The following BTBD10 variants were observed in gnomAD, a reference collection of about 807,000 sequenced individuals.
The protein encoded by BTBD10 is BTB domain containing 10.
BTBD10 carries 21 observed loss-of-function variants against 53.2 expected under a neutral mutation model. The observed-to-expected ratio is 0.39, with a 90% CI of 0.28 to 0.57. BTBD10 has a LOEUF of 0.57. Among genes scored for constraint, BTBD10 ranks in the 20% least tolerant of loss-of-function variants. The pLI is 0.53. For missense variants in BTBD10, 360 were observed against 594.7 expected (o/e 0.61, Z 4.10); for synonymous variants, 149 against 192.7 (o/e 0.77, Z 1.88).
chr11:13,422,845 C>T (rs956168260), intron 2 of BTBD10, among the ~76,000 whole-genome samples: 1 of 152,170 alleles, frequency 6.6e-6, no homozygotes, highest in Non-Finnish European at 1.5e-5. Flanking sequence ...TTAAGTTACA[C>T]ATACTACATG....
At chr11:13,462,434 G>A (rs946130414) in intron 1 of BTBD10, among the ~76,000 whole-genome samples, 2 of 152,160 alleles carry the variant, frequency 1.3e-5, no homozygotes, top group African/African-American at 4.8e-5. Flanking sequence ...TCAGAATACT[G>A]AGAAAGGAGA....
rs1369034316 is a variant in BTBD10, at chr11:13,421,816, C to A, written c.124G>T (p.Gly42Ter). The A allele has an allele frequency of 6.2e-7, 1 of 1,612,610 alleles. No homozygotes were observed. The highest frequency in any genetic ancestry group is 8.5e-7 in the Non-Finnish European group (1 of 1,179,240). ...HSSTSSRIAK[G>*]GVDHTKMSLH... is the part of the protein sequence containing the mutation. ...CTCATTTTGGTGTGGTCAACTCCTC[C>A]TTTAGCAATACGCGAGGAAGTACTG... Residue 42 changes from glycine (G) to a stop codon, truncating the protein, a stop_gained, in exon 3 of 9, where the codon GGA becomes TGA. Coordinates refer to ENST00000278174, the MANE Select transcript of BTBD10 (RefSeq NM_032320.7). LOFTEE classifies it high-confidence loss of function.
intron 1 of BTBD10, among the ~76,000 whole-genome samples, chr11:13,461,671 A>C (rs966555720): frequency 1.3e-5 from 2 of 152,216 alleles, no homozygotes; most frequent in Non-Finnish European, 2.9e-5. Context: ...ACATAATTAC[A>C]TAGGGTTAGA....
At chr11:13,432,004 A>G (rs1211624133) in intron 2 of BTBD10, among the ~76,000 whole-genome samples, 1 of 152,102 alleles carries the variant, frequency 6.6e-6, no homozygotes. Flanking sequence ...TAGTACAGCC[A>G]TACCATAGAA....
chr11:13,449,125 T>A (rs1468742425), intron 1 of BTBD10, among the ~76,000 whole-genome samples: 1 of 151,780 alleles, frequency 6.6e-6, no homozygotes, highest in Non-Finnish European at 1.5e-5. Flanking sequence ...GAGGTGGGGG[T>A]TGGGGGATAG....
chr11:13,421,867 T>G, intron 2 of BTBD10, 29 bp from the exon 3 acceptor site: 1 of 1,548,268 alleles, frequency 6.5e-7, no homozygotes. Context: ...AAATTAACCA[T>G]AAAAGCAGAA....
chr11:13,395,874 C>G (rs1208279105), intron 8 of BTBD10, among the ~76,000 whole-genome samples: 3 of 152,136 alleles, frequency 2.0e-5, no homozygotes, highest in Non-Finnish European at 4.4e-5. Context: ...TTTCTGAGGG[C>G]TCTGTTCTGT....
At chr11:13,433,202 A>T (rs990631055) in intron 2 of BTBD10, among the ~76,000 whole-genome samples, 1 of 152,118 alleles carries the variant, frequency 6.6e-6, no homozygotes, top group Non-Finnish European at 1.5e-5. Context: ...TTTCTCTCCA[A>T]GGCAGGCCTT....
intron 8 of BTBD10, among the ~76,000 whole-genome samples, chr11:13,399,632 A>G (rs533788160): frequency 8.5e-5 from 13 of 152,072 alleles, no homozygotes; most frequent in African/African-American, 3.1e-4. Context: ...TCTGATTTTT[A>G]GAGTTTCCGG....
At chr11:13,440,068 C>T in intron 2 of BTBD10, 1 of 1,528,312 alleles carries the variant, frequency 6.5e-7, no homozygotes, top group African/African-American at 1.4e-5. Flanking sequence ...TCTGAACAAT[C>T]AGAAAATTCC....
intron 2 of BTBD10, among the ~76,000 whole-genome samples, chr11:13,432,417 G>A (rs1381585978): frequency 5.9e-5 from 9 of 152,178 alleles, no homozygotes; most frequent in East Asian, 5.8e-4. Flanking sequence ...TTGTACTCAC[G>A]TCAGTTTCCT....
chr11:13,404,622 T>A (rs1346286919), intron 7 of BTBD10: 61 of 984,392 alleles, frequency 6.2e-5, no homozygotes, highest in Non-Finnish European at 7.2e-5. Context: ...ATTCCACATA[T>A]TATAGAAAAC....
At chr11:13,399,964 G>A (rs547631419) in intron 8 of BTBD10, among the ~76,000 whole-genome samples, 56 of 152,298 alleles carry the variant, frequency 3.7e-4, no homozygotes, top group African/African-American at 1.3e-3. Context: ...CCTACTGGGG[G>A]GTGCCTCCCA....
chr11:13,442,609 A>G (rs1950678308), intron 2 of BTBD10, among the ~76,000 whole-genome samples: 1 of 152,032 alleles, frequency 6.6e-6, no homozygotes, highest in Non-Finnish European at 1.5e-5. Flanking sequence ...CTCAAGTCTC[A>G]TTTTCACCTA....
At chr11:13,425,664 C>T (rs910207779) in intron 2 of BTBD10, among the ~76,000 whole-genome samples, 1 of 151,914 alleles carries the variant, frequency 6.6e-6, no homozygotes, top group African/African-American at 2.4e-5. Context: ...CTAAATGGCC[C>T]TTTAAAATGA....
chr11:13,453,811 T>C (rs1950912576), intron 1 of BTBD10, among the ~76,000 whole-genome samples: 1 of 152,158 alleles, frequency 6.6e-6, no homozygotes, highest in African/African-American at 2.4e-5. Context: ...CCCAGCACTT[T>C]GGGAGGCCGA....
At chr11:13,428,747 A>G (rs1950393609) in intron 2 of BTBD10, among the ~76,000 whole-genome samples, 1 of 152,178 alleles carries the variant, frequency 6.6e-6, no homozygotes, top group Non-Finnish European at 1.5e-5. Context: ...AAGAATGTCT[A>G]CTGTCACTTT....
At chr11:13,412,354 A>T (rs564332044) in intron 6 of BTBD10, among the ~76,000 whole-genome samples, 1 of 152,138 alleles carries the variant, frequency 6.6e-6, no homozygotes, top group Non-Finnish European at 1.5e-5. Context: ...TGGGGAGGCT[A>T]AGGCAGGAGA....
chr11:13,443,344 A>G (rs1303802418), intron 2 of BTBD10, among the ~76,000 whole-genome samples: 1 of 152,144 alleles, frequency 6.6e-6, no homozygotes, highest in Non-Finnish European at 1.5e-5. Context: ...ATGAAACAAC[A>G]ATAATGAAAA....
Sources: allele counts gnomAD v4.1 joint callset (sites outside exome capture counted in the v4.1 genomes callset), GRCh38; gene constraint gnomAD v4.1.1; transcripts MANE v1.5; gene names NCBI Gene and HGNC (gene_info 2026-07-23, HGNC 2026-07-21).